Variants in ZFPM2 observed in about 807,000 individuals in gnomAD.
ZFPM2 encodes zinc finger protein, FOG family member 2.
Under a neutral mutation model 98.6 loss-of-function variants are expected in ZFPM2, and 20 were observed. The ratio of observed to expected loss-of-function variants is 0.20; its 90% CI spans 0.14 to 0.29. ZFPM2 has a LOEUF of 0.29. Among genes scored for constraint, ZFPM2 ranks in the 10% least tolerant of loss-of-function variants. The pLI is 1.00. For synonymous variants in ZFPM2, 518 were observed against 502.7 expected, an observed-to-expected ratio of 1.03 and a Z score of -0.41; for missense variants, 1,310 against 1,388.6, an observed-to-expected ratio of 0.94 and a Z score of 0.90.
chr8:105,607,980 G>A (rs1816229266), intron 4 of ZFPM2, among the ~76,000 whole-genome samples: 1 of 152,018 alleles, frequency 6.6e-6, no homozygotes, highest in South Asian at 2.1e-4. Context: ...AGAAAATTTG[G>A]TACATATGGA....
At chr8:105,454,240 A>G (rs376300761) in intron 3 of ZFPM2, among the ~76,000 whole-genome samples, 4 of 147,646 alleles carry the variant, frequency 2.7e-5, no homozygotes, top group Non-Finnish European at 5.9e-5. Flanking sequence ...AGTATTTTTC[A>G]TATTCTAAAT....
At chr8:105,592,906 A>G (rs912850294) in intron 4 of ZFPM2, among the ~76,000 whole-genome samples, 12 of 152,270 alleles carry the variant, frequency 7.9e-5, no homozygotes, top group African/African-American at 2.4e-4. Context: ...GCCTCATTTC[A>G]TATCGAAATT....
intron 1 of ZFPM2, among the ~76,000 whole-genome samples, chr8:105,346,459 G>C (rs1812530947): frequency 6.6e-6 from 1 of 151,936 alleles, no homozygotes; most frequent in East Asian, 1.9e-4. Context: ...CATTACATAT[G>C]TAATTAAACT....
chr8:105,500,384 G>A (rs1355781254), intron 3 of ZFPM2, among the ~76,000 whole-genome samples: 1 of 152,048 alleles, frequency 6.6e-6, no homozygotes, highest in Non-Finnish European at 1.5e-5. Flanking sequence ...AAACACTTAA[G>A]AAATTATTCT....
At chr8:105,646,392 G>A (rs898835331) in intron 5 of ZFPM2, among the ~76,000 whole-genome samples, 3 of 152,070 alleles carry the variant, frequency 2.0e-5, no homozygotes, top group Non-Finnish European at 4.4e-5. Context: ...TTAACCTTTA[G>A]GGAAGAAAGC....
At chr8:105,776,714 TG>T (rs1732418744) in intron 5 of ZFPM2, among the ~76,000 whole-genome samples, 1 of 152,228 alleles carries the variant, frequency 6.6e-6, no homozygotes, top group Non-Finnish European at 1.5e-5. Flanking sequence ...TAGTTATTTT[TG>T]TTTGTAGCTA....
intron 5 of ZFPM2, among the ~76,000 whole-genome samples, chr8:105,772,924 A>G (rs537589954): frequency 1.3e-5 from 2 of 152,262 alleles, no homozygotes; most frequent in African/African-American, 4.8e-5. Flanking sequence ...TTATCTTGAC[A>G]TGGGCACGTG....
At chr8:105,696,218 G>A (rs535381604) in intron 5 of ZFPM2, among the ~76,000 whole-genome samples, 12 of 152,118 alleles carry the variant, frequency 7.9e-5, no homozygotes, top group Non-Finnish European at 1.3e-4. Context: ...TTCTCAATGG[G>A]GTCACTGTAG....
At chr8:105,432,869 G>T (rs1395849426) in intron 2 of ZFPM2, among the ~76,000 whole-genome samples, 1 of 152,206 alleles carries the variant, frequency 6.6e-6, no homozygotes, top group Non-Finnish European at 1.5e-5. Flanking sequence ...GGAGGCTGCA[G>T]CAGGAGGATC....
intron 1 of ZFPM2, among the ~76,000 whole-genome samples, chr8:105,408,847 G>A (rs536402772): frequency 7.9e-5 from 12 of 151,702 alleles, no homozygotes; most frequent in Admixed American, 5.9e-4. Context: ...GATTTCTATC[G>A]TTGCCCTCAC....
chr8:105,802,660 A>C lies in ZFPM2; in HGVS notation c.2578A>C (p.Lys860Gln), dbSNP rs765693317. ...GGACTATCACGAGTGCACTGTGTGC[A>C]AGATCAGTTTCAATAAGGTAGAAAA... Reference protein sequence around the residue: ...LLDYHECTVCKISFNKVENYL... With the variant: ...LLDYHECTVCQISFNKVENYL... The change falls in exon 8 of 8, where the codon AAG becomes CAG. Residue 860 changes from lysine (K) to glutamine (Q), a missense_variant. Physicochemically the swap from Lys to Gln is moderately conservative, Grantham distance 53. Transcript: ENST00000407775. The C allele has an allele frequency of 6.2e-7, 1 of 1,611,340 alleles. No homozygotes were observed. Among genetic ancestry groups the C allele is most frequent in the East Asian group, 2.2e-5 (1 of 44,722 alleles).
intron 4 of ZFPM2, among the ~76,000 whole-genome samples, chr8:105,583,736 A>C (rs1815652431): frequency 6.6e-6 from 1 of 152,186 alleles, no homozygotes; most frequent in African/African-American, 2.4e-5. Context: ...AGAGAGTTGA[A>C]GAATAAACAT....
chr8:105,716,937 A>G (rs1439776298), intron 5 of ZFPM2, among the ~76,000 whole-genome samples: 1 of 152,076 alleles, frequency 6.6e-6, no homozygotes, highest in East Asian at 1.9e-4. Flanking sequence ...GAAATCACAC[A>G]TCTTACCACT....
At chr8:105,781,744 G>T (rs1167133269) in intron 5 of ZFPM2, among the ~76,000 whole-genome samples, 3 of 151,954 alleles carry the variant, frequency 2.0e-5, no homozygotes, top group Non-Finnish European at 2.9e-5. Flanking sequence ...AAAATAACTT[G>T]GAGTCACTTC....
intron 5 of ZFPM2, among the ~76,000 whole-genome samples, chr8:105,727,908 T>C (rs1181427176): frequency 6.7e-6 from 1 of 148,276 alleles, no homozygotes; most frequent in Non-Finnish European, 1.5e-5. Context: ...CTATTCCAGA[T>C]AGAAGAAACA....
At position 105,546,137 on chromosome 8, in the gene ZFPM2, T is replaced by G. The variant is rs567456721; in HGVS notation, c.302-15226T>G. Among the ~76,000 whole-genome samples the G allele has an allele frequency of 9.2e-5, 14 of 152,254 alleles. No homozygotes were observed. In the South Asian group the frequency reaches 1.9e-3, roughly 20 times the overall value. On this transcript the variant is annotated intron_variant, in intron 3 of 7. Transcript: ENST00000407775. ...TTCAGTATGATCTTTTCTGCCTCCC[T>G]TTTTCTTCACCTGGAATGAAAGTGG...
At chr8:105,468,814 A>T (rs1174798523) in intron 3 of ZFPM2, among the ~76,000 whole-genome samples, 6 of 152,140 alleles carry the variant, frequency 3.9e-5, no homozygotes, top group Non-Finnish European at 8.8e-5. Context: ...CATTGTTGCA[A>T]ATTTAAGTTA....
At chr8:105,796,144 TG>T (rs1247170145) in intron 6 of ZFPM2, among the ~76,000 whole-genome samples, 65 of 152,220 alleles carry the variant, frequency 4.3e-4, no homozygotes, top group Non-Finnish European at 1.8e-4. Context: ...GATTTCCTTA[TG>T]GTAAATGTAC....
At position 105,671,293 on chromosome 8, in the gene ZFPM2, G is replaced by A. The variant is rs1817589058; in HGVS notation, c.532+36936G>A. The stretch of plus-strand genomic sequence containing the variant: ...TTTTGAACCTTCAATATTTAAGTAG[G>A]TTAAAATGTTGAGCTCTTCGAATTG... On this transcript the variant is annotated intron_variant, in intron 5 of 7. Coordinates refer to ENST00000407775, the MANE Select transcript of ZFPM2 (RefSeq NM_012082.4). Among the ~76,000 whole-genome samples the A allele has an allele frequency of 2.6e-5, 4 of 151,584 alleles. No individual in the cohort carries two copies. The South Asian group carries it at 8.3e-4, about 32-fold the overall frequency.
Sources: gnomAD v4.1 joint callset for allele counts (sites outside exome capture counted in the v4.1 genomes callset) on GRCh38, gnomAD v4.1.1 for gene constraint, MANE v1.5 for transcripts, NCBI Gene and HGNC (gene_info 2026-07-23, HGNC 2026-07-21) for gene names.